Variants in ANKFN1 observed in about 807,000 individuals in gnomAD.
The protein encoded by ANKFN1 is ankyrin repeat and fibronectin type III domain containing 1, also known as ankyrin repeat and fibronectin type-III domain-containing protein 1.
ANKFN1 carries 74 observed loss-of-function variants against 108.7 expected under a neutral mutation model. That is an observed-to-expected ratio of 0.68 (90% CI 0.56 to 0.83). ANKFN1 has a LOEUF of 0.83. ANKFN1 is among the 40% of genes least tolerant of loss of function. ANKFN1 has a pLI of 0.00. For synonymous variants in ANKFN1, 547 were observed against 516.2 expected (o/e 1.06, Z -0.81); for missense variants, 1,505 against 1,382.3 (o/e 1.09, Z -1.41).
intron 3 of ANKFN1, among the ~76,000 whole-genome samples, chr17:56,236,530 A>C (rs954265949): frequency 5.3e-5 from 8 of 152,046 alleles, no homozygotes; most frequent in Admixed American, 2.0e-4. Context: ...GTGGTTTTTG[A>C]ACATAATTTT....
intron 1 of ANKFN1, among the ~76,000 whole-genome samples, chr17:56,194,290 T>A (rs1913292604): frequency 6.6e-6 from 1 of 152,192 alleles, no homozygotes; most frequent in Non-Finnish European, 1.5e-5. Context: ...TGGAAACTTA[T>A]ATCCACACAA....
At chr17:56,486,645 A>T (rs2050867782) in intron 18 of ANKFN1, among the ~76,000 whole-genome samples, 1 of 152,206 alleles carries the variant, frequency 6.6e-6, no homozygotes, top group African/African-American at 2.4e-5. Context: ...TTTTTCTATA[A>T]GTAGGAAATT....
chr17:56,095,559 C>T (rs1350021453), intron 4 of ANKFN1, among the ~76,000 whole-genome samples: 1 of 141,378 alleles, frequency 7.1e-6, no homozygotes, highest in East Asian at 1.9e-4. Context: ...GCCTCAGCCT[C>T]CCAAAGTGCT....
intron 4 of ANKFN1, among the ~76,000 whole-genome samples, chr17:56,123,824 T>A (rs201383564): frequency 1.5e-5 from 2 of 135,940 alleles, no homozygotes; most frequent in African/African-American, 2.7e-5. Context: ...TGTGTGTGTG[T>A]GACAGAGAGA....
rs111349947 is a variant in ANKFN1 at position 56,144,157 on chromosome 17, A to G, written c.289-83760A>G. On this transcript the variant is annotated intron_variant, in intron 4 of 12. Transcript: ENST00000635860. ...CCTGACACAAACAGAGGCGCATCTGAAAAAAAAAAAAAAAAAAAAAAAAAA... is the reference window on the plus strand; with the variant it reads ...CCTGACACAAACAGAGGCGCATCTGGAAAAAAAAAAAAAAAAAAAAAAAAA... Among the ~76,000 whole-genome samples the G allele has an allele frequency of 6.1e-3, 267 of 43,852 alleles. 1 individual carries two copies. The highest frequency in any genetic ancestry group is 0.037 in the African/African-American group (233 of 6,264). 28.8% of individuals were successfully genotyped at this position (43,852 alleles called of 152,430 possible). A position where few individuals can be genotyped will look rare whatever the true frequency, so the allele number is the denominator to read the frequency against.
chr17:56,416,139 G>T (rs2048235251), intron 8 of ANKFN1, among the ~76,000 whole-genome samples: 1 of 152,122 alleles, frequency 6.6e-6, no homozygotes. Flanking sequence ...AAATCTCCAG[G>T]ACATTGGTCT....
intron 11 of ANKFN1, among the ~76,000 whole-genome samples, chr17:56,450,799 A>C: frequency 6.6e-6 from 1 of 152,230 alleles, no homozygotes; most frequent in Non-Finnish European, 1.5e-5. Flanking sequence ...GAAACTACTC[A>C]TGAGAATGAG....
At position 56,440,403 on chromosome 17, in the gene ANKFN1, C is replaced by T. The variant is rs1430319588; in HGVS notation, c.987C>T (p.Cys329=). 4 of 1,611,294 alleles carry T rather than the reference C, an allele frequency of 2.5e-6. No homozygotes were observed. Among genetic ancestry groups the T allele is most frequent in the Admixed American group, 1.7e-5 (1 of 59,864 alleles). The change falls in exon 9 of 21, where the codon TGC becomes TGT. Residue 329 remains cysteine (C), a synonymous_variant. Coordinates refer to ENST00000682825, the MANE Select transcript of ANKFN1 (RefSeq NM_001370326.1). Reference sequence around the variant, plus strand: ...TGGATAATCTGCAGACTCTGAGATGCACAATCACAGGACTTACAATGGTAA... The same window carrying T: ...TGGATAATCTGCAGACTCTGAGATGTACAATCACAGGACTTACAATGGTAA... ...IIMDNLQTLR[C]TITGLTMGQQ...
In ANKFN1 at chr17:56,427,374, G is replaced by A. The variant is rs561598736; in HGVS notation, c.911-12953G>A. Among the ~76,000 whole-genome samples, 9 of 152,170 alleles carry A rather than the reference G, an allele frequency of 5.9e-5. No homozygotes were observed. In the South Asian group the frequency reaches 1.7e-3, roughly 28 times the overall value. Reference sequence around the variant, plus strand: ...TAACATGAACCAGGCTCCAGTTATGGGCCAGCAATGTACACGAGTCTTCTG... The same window carrying A: ...TAACATGAACCAGGCTCCAGTTATGAGCCAGCAATGTACACGAGTCTTCTG... On this transcript the variant is annotated intron_variant, in intron 8 of 20. Transcript: ENST00000682825.
intron 8 of ANKFN1, among the ~76,000 whole-genome samples, chr17:56,410,890 T>C (rs895598602): frequency 6.6e-6 from 1 of 152,226 alleles, no homozygotes; most frequent in Non-Finnish European, 1.5e-5. Flanking sequence ...ATGTGTCTGT[T>C]TTTATGACAA....
chr17:56,209,476 G>A (rs980599663), intron 1 of ANKFN1, among the ~76,000 whole-genome samples: 4 of 152,158 alleles, frequency 2.6e-5, no homozygotes, highest in African/African-American at 9.7e-5. Context: ...GTGTCAAAGA[G>A]ACAGATTGTC....
At chr17:56,468,660 C>T (rs1303674561) in intron 15 of ANKFN1, among the ~76,000 whole-genome samples, 1 of 152,146 alleles carries the variant, frequency 6.6e-6, no homozygotes, top group African/African-American at 2.4e-5. Flanking sequence ...ACTTTCATTC[C>T]CCGCCAAGGG....
At chr17:56,301,489 T>C (rs1179424025) in intron 3 of ANKFN1, among the ~76,000 whole-genome samples, 1 of 152,224 alleles carries the variant, frequency 6.6e-6, no homozygotes, top group Non-Finnish European at 1.5e-5. Context: ...CAGAACTCTG[T>C]AGTGCAATGG....
intron 8 of ANKFN1, among the ~76,000 whole-genome samples, chr17:56,402,878 T>C (rs1362567190): frequency 6.6e-6 from 1 of 152,090 alleles, no homozygotes; most frequent in Non-Finnish European, 1.5e-5. Flanking sequence ...CCTTGCTGTA[T>C]CCCAGAGGTT....
intron 8 of ANKFN1, among the ~76,000 whole-genome samples, chr17:56,395,432 A>G (rs553579964): frequency 1.1e-4 from 16 of 152,342 alleles, no homozygotes; most frequent in Middle Eastern, 3.4e-3. Flanking sequence ...GATGCAGTCC[A>G]TAGGTGTCAG....
At chr17:56,442,268 T>C (rs1000545330) in intron 9 of ANKFN1, among the ~76,000 whole-genome samples, 2 of 152,234 alleles carry the variant, frequency 1.3e-5, no homozygotes, top group Non-Finnish European at 2.9e-5. Flanking sequence ...ACCATCTAAA[T>C]GTCCACCAGT....
intron 15 of ANKFN1, chr17:56,473,323 C>T (rs1191349391): frequency 2.0e-5 from 3 of 152,060 alleles, no homozygotes; most frequent in Non-Finnish European, 4.4e-5. Flanking sequence ...GATTAGAGGT[C>T]AAATCAGGTA....
chr17:56,482,357 C>T lies in ANKFN1; in HGVS notation c.2093C>T (p.Ala698Val). The change falls in exon 18 of 21, where the codon GCA (alanine) becomes GTA (valine). Residue 698 changes from alanine to valine, a missense_variant and splice_region_variant. Transcript: ENST00000682825. ...LQQINIPLHQ[A>V]RNFRLYTQEV... ...TCCTCCGCGCGTGTCCCTCTGCAGGCAAGGAACTTCCGCCTCTACACACAG... is the reference window on the plus strand; with the variant it reads ...TCCTCCGCGCGTGTCCCTCTGCAGGTAAGGAACTTCCGCCTCTACACACAG... 1 of 1,597,294 alleles carries T rather than the reference C, an allele frequency of 6.3e-7. No homozygotes were observed. Among genetic ancestry groups the T allele is most frequent in the Non-Finnish European group, 8.5e-7 (1 of 1,170,980 alleles).
rs368970838 is a variant in ANKFN1, at chr17:56,372,629, C to T, written c.602-17C>T. On this transcript the variant is annotated splice_polypyrimidine_tract_variant and intron_variant, in intron 6 of 20. Transcript: ENST00000682825. ...CCCCAGAAAGAAAGAGAAGTAATCC[C>T]ATTTCTTTCCCTTTAGTTGTCAGCC... The T allele has an allele frequency of 8.7e-6, 14 of 1,602,012 alleles. No homozygotes were observed. The highest frequency in any genetic ancestry group is 1.2e-5 in the Non-Finnish European group (14 of 1,173,008).
Sources: gnomAD v4.1 joint callset for allele counts (sites outside exome capture counted in the v4.1 genomes callset) on GRCh38, gnomAD v4.1.1 for gene constraint, MANE v1.5 for transcripts, NCBI Gene and HGNC (gene_info 2026-07-23, HGNC 2026-07-21) for gene names.